SLC5A5: variants seen among roughly 807,000 people sequenced by gnomAD.
SLC5A5 encodes sodium/iodide cotransporter.
A neutral mutation model predicts 68.6 loss-of-function variants in SLC5A5; 56 were observed. That is an observed-to-expected ratio of 0.82 (90% CI 0.66 to 1.02). SLC5A5 has a LOEUF of 1.02. Among genes scored for constraint, SLC5A5 ranks in the 50% least tolerant of loss-of-function variants. SLC5A5 has a pLI of 0.00. For missense variants in SLC5A5, 807 were observed against 859.8 expected, an observed-to-expected ratio of 0.94 and a Z score of 0.77; for synonymous variants, 398 against 373.0, an observed-to-expected ratio of 1.07 and a Z score of -0.77.
chr19:17,893,294 G>T (rs2030270608), intron 14 of SLC5A5, among the ~76,000 whole-genome samples: 1 of 151,418 alleles, frequency 6.6e-6, no homozygotes, highest in South Asian at 2.1e-4. Flanking sequence ...GTAGAGATGG[G>T]GTTTTGCCAT....
intron 7 of SLC5A5, among the ~76,000 whole-genome samples, chr19:17,878,367 T>C (rs528065632): frequency 1.3e-5 from 2 of 152,128 alleles, no homozygotes; most frequent in African/African-American, 4.8e-5. Context: ...TAGCTGGACG[T>C]GGTGGCACGC....
rs772739810 is a variant in SLC5A5, at chr19:17,883,666, C to T, written c.1243-15C>T. 1.3e-5 allele frequency: 21 copies of T among 1,609,532 alleles called. No individual in the cohort carries two copies. In the South Asian group the frequency reaches 2.1e-4, roughly 16 times the overall value. Reference sequence around the variant, plus strand: ...AGGGCTCCGCCCTCAGCCCCACTTCCACCTACTCTCCCAGGGCTCCTTCAC... The same window carrying T: ...AGGGCTCCGCCCTCAGCCCCACTTCTACCTACTCTCCCAGGGCTCCTTCAC... On this transcript the variant is annotated splice_polypyrimidine_tract_variant and intron_variant, in intron 10 of 14. Transcript: ENST00000222248.
chr19:17,886,109 T>A (rs572735388), intron 12 of SLC5A5, among the ~76,000 whole-genome samples: 30 of 151,972 alleles, frequency 2.0e-4, no homozygotes, highest in Non-Finnish European at 2.1e-4. Context: ...GATCCACACA[T>A]CTTGGCCTTT....
chr19:17,881,502 G>A (rs1714096925), intron 8 of SLC5A5, among the ~76,000 whole-genome samples: 1 of 152,152 alleles, frequency 6.6e-6, no homozygotes, highest in Admixed American at 6.6e-5. Flanking sequence ...CCTGACCTCA[G>A]GTGATCTGCA....
At position 17,877,703 on chromosome 19, in the gene SLC5A5, C is replaced by T. The variant is rs959802324; in HGVS notation, c.699-20C>T. 4 of 1,613,688 alleles carry T rather than the reference C, an allele frequency of 2.5e-6. No individual in the cohort carries two copies. In the African/African-American group the frequency reaches 5.3e-5, roughly 22 times the overall value. On this transcript the variant is annotated intron_variant, in intron 5 of 14. Transcript: ENST00000222248. ...CAGCGTGACATCTCCACGTGGCTAACTTGCCCTGTCCCCACCCAGCTTTAA... is the reference window on the plus strand; with the variant it reads ...CAGCGTGACATCTCCACGTGGCTAATTTGCCCTGTCCCCACCCAGCTTTAA...
At position 17,877,951 on chromosome 19, in the gene SLC5A5, C is replaced by T. The variant is rs895820232; in HGVS notation, c.840-13C>T. On this transcript the variant is annotated splice_polypyrimidine_tract_variant and intron_variant, in intron 6 of 14. Transcript: ENST00000222248. ...AGGCTATCCCCTAAGCCTGAGGCTG[C>T]CTCTTCCCCCAGGGCCCTGCTCATC... 6.2e-7 allele frequency: 1 copy of T among 1,613,578 alleles called. No homozygotes were observed.
chr19:17,876,819 A>G (rs10402989), intron 5 of SLC5A5, among the ~76,000 whole-genome samples: 38,666 of 151,080 alleles, frequency 0.26, 5,531 homozygotes, highest in African/African-American at 0.38. Flanking sequence ...CCGAGATGGC[A>G]TCACTGCACT....
intron 7 of SLC5A5, among the ~76,000 whole-genome samples, chr19:17,879,770 C>T (rs1362062528): frequency 6.6e-6 from 1 of 152,206 alleles, no homozygotes; most frequent in Non-Finnish European, 1.5e-5. Context: ...ATGAGGATGA[C>T]ACGGGTCCCT....
rs762219076 is a variant in SLC5A5, at chr19:17,878,074, G to A, written c.950G>A (p.Arg317His). The A allele has an allele frequency of 2.4e-5, 38 of 1,611,710 alleles. No homozygotes were observed. Among genetic ancestry groups the A allele is most frequent in the Non-Finnish European group, 2.6e-5 (31 of 1,179,974 alleles). ...GACTGCGACCCTCTCCTCCTGGGGC[G>A]CATCTCTGCCCCAGACCAGGTGAGT... is the stretch of plus-strand genomic sequence containing the variant. ...YTDCDPLLLG[R>H]ISAPDQYMPL... Residue 317 changes from arginine (R) to histidine (H), a missense_variant, in exon 7 of 15, where the codon CGC becomes CAC. Transcript: ENST00000222248.
intron 4 of SLC5A5, among the ~76,000 whole-genome samples, chr19:17,875,156 G>A (rs537983583): frequency 6.6e-6 from 1 of 152,186 alleles, no homozygotes; most frequent in South Asian, 2.1e-4. Context: ...GATCACCTAA[G>A]GTCAGGAGTT....
At chr19:17,881,308 C>T (rs2147740353) in intron 8 of SLC5A5, among the ~76,000 whole-genome samples, 1 of 151,912 alleles carries the variant, frequency 6.6e-6, no homozygotes, top group African/African-American at 2.4e-5. Context: ...GCTCTGTCAC[C>T]CAGGCTGGAG....
At chr19:17,873,873 C>T (rs983411433) in intron 1 of SLC5A5, among the ~76,000 whole-genome samples, 1 of 152,246 alleles carries the variant, frequency 6.6e-6, no homozygotes, top group Non-Finnish European at 1.5e-5. Context: ...GCGGTGGCTG[C>T]TCCAGGAGCC....
At chr19:17,891,104 C>G in intron 14 of SLC5A5, 103 bp downstream of exon 14, 1 of 772,442 alleles carries the variant, frequency 1.3e-6, no homozygotes. Context: ...CTTTCTCCAT[C>G]GCTCATTATC....
chr19:17,883,570 C>T, intron 10 of SLC5A5, 111 bp from the exon 11 acceptor site: 1 of 879,210 alleles, frequency 1.1e-6, no homozygotes, highest in Non-Finnish European at 2.0e-6. Context: ...ACAGAGGAGT[C>T]CTTGAGACCC....
At chr19:17,884,173 G>T in intron 12 of SLC5A5, 127 bp downstream of exon 12, 1 of 900,004 alleles carries the variant, frequency 1.1e-6, no homozygotes, top group Non-Finnish European at 1.7e-6. Flanking sequence ...GGAGGGAACG[G>T]TAGGTGCAAA....
chr19:17,885,329 T>G (rs1470877798), intron 12 of SLC5A5, among the ~76,000 whole-genome samples: 1 of 151,720 alleles, frequency 6.6e-6, no homozygotes, highest in Non-Finnish European at 1.5e-5. Flanking sequence ...TCTGTTTTGT[T>G]TATTTATTTA....
Position 17,872,536 on chromosome 19 carries a change from G to A in SLC5A5, c.217G>A (p.Val73Met), listed in dbSNP as rs1483007838. The change falls in exon 1 of 15, where the codon GTG becomes ATG. Residue 73 changes from valine (V) to methionine (M), a missense_variant. Physicochemically the swap from Val to Met is conservative, Grantham distance 21 (BLOSUM62 1). Coordinates refer to ENST00000222248, the MANE Select transcript of SLC5A5 (RefSeq NM_000453.3). ...LSASFMSAVQ[V>M]LGVPSEAYRY... is the part of the protein sequence containing the mutation. Reference sequence around the variant, plus strand: ...TGCCAGCTTCATGTCGGCCGTGCAGGTGCTGGGCGTGCCGTCGGAGGCCTA... The same window carrying A: ...TGCCAGCTTCATGTCGGCCGTGCAGATGCTGGGCGTGCCGTCGGAGGCCTA... The A allele has an allele frequency of 1.2e-6, 2 of 1,612,644 alleles. No homozygotes were observed. The highest frequency in any genetic ancestry group is 4.5e-5 in the East Asian group (2 of 44,878).
rs1491341571 is a variant in SLC5A5, at chr19:17,894,144, T to TC, written c.*267_*268insC. 417 of 116,094 alleles carry TC rather than the reference T, an allele frequency of 3.6e-3. 1 individual carries two copies. Among genetic ancestry groups the TC allele is most frequent in the African/African-American group, 0.02 (390 of 19,546 alleles). The allele number at this position is 116,094 out of a possible 1,614,324, so 7.2% of individuals were successfully genotyped here. A position where few individuals can be genotyped will look rare whatever the true frequency, so the allele number is the denominator to read the frequency against. On this transcript the variant is annotated 3_prime_UTR_variant, in exon 15 of 15. Coordinates refer to ENST00000222248, the MANE Select transcript of SLC5A5 (RefSeq NM_000453.3). ...ATAAGGCTGGGTTTTTCTCTCTCTC[T>TC]TTTTTTTTTTTTTTTTTTTTTGAGA...
chr19:17,877,792 C>T lies in SLC5A5; in HGVS notation c.768C>T (p.Leu256=). Residue 256 remains leucine, a synonymous_variant, in exon 6 of 15, where the codon CTC becomes CTT. Coordinates refer to ENST00000222248, the MANE Select transcript of SLC5A5 (RefSeq NM_000453.3). The part of the protein sequence containing the change: ...TFVVGGTLVW[L]SMYGVNQAQV... ...TGGTGGGTGGCACGTTGGTGTGGCT[C>T]TCCATGTATGGCGTGAACCAGGCGC... 1 of 1,614,244 alleles carries T rather than the reference C, an allele frequency of 6.2e-7. No individual in the cohort carries two copies. Among genetic ancestry groups the T allele is most frequent in the Non-Finnish European group, 8.5e-7 (1 of 1,180,048 alleles).
Sources: gnomAD v4.1 joint callset for allele counts (sites outside exome capture counted in the v4.1 genomes callset) on GRCh38, gnomAD v4.1.1 for gene constraint, MANE v1.5 for transcripts, NCBI Gene and HGNC (gene_info 2026-07-23, HGNC 2026-07-21) for gene names.